The following WSB2 variants were observed in gnomAD, a reference collection of about 807,000 sequenced individuals.
WSB2 encodes WD repeat and SOCS box-containing protein 2.
Under a neutral mutation model 48.8 loss-of-function variants are expected in WSB2, and 12 were observed. The ratio of observed to expected loss-of-function variants is 0.25; its 90% CI spans 0.16 to 0.40. The LOEUF (loss-of-function observed/expected upper bound fraction) is 0.40, where lower values mean the gene tolerates loss of function less well. WSB2 is among the 10% of genes least tolerant of loss of function. The probability of loss-of-function intolerance (pLI) is 1.00; values close to 1 mark genes in which losing one functional copy is unlikely to be tolerated. For synonymous variants in WSB2, 191 were observed against 203.1 expected (o/e 0.94, Z 0.51); for missense variants, 317 against 506.2 (o/e 0.63, Z 3.59).
chr12:118,060,948 AGCCCGCCCCGGGGTCGCCT>A lies in WSB2; in HGVS notation c.13+69_13+87del. On this transcript the variant is annotated intron_variant, in intron 1 of 8. Transcript: ENST00000315436. This position sits in a 1 kb window ranked among gnomAD's most constrained non-coding sequence, Gnocchi z 4.1. Reference sequence around the variant, plus strand: ...GTCCAGCCCCCGCCCCACCCCGCCCAGCCCGCCCCGGGGTCGCCTCCCCCCTCCCCGGGGAGAACGGGCC... The same window carrying A: ...GTCCAGCCCCCGCCCCACCCCGCCCACCCCCCTCCCCGGGGAGAACGGGCC... 6.4e-6 allele frequency: 1 copy of A among 157,050 alleles called. No homozygotes were observed. Among genetic ancestry groups the A allele is most frequent in the Non-Finnish European group, 1.2e-5 (1 of 84,774 alleles). The allele number at this position is 157,050 out of a possible 1,614,324, so 9.7% of individuals were successfully genotyped here. A position where few individuals can be genotyped will look rare whatever the true frequency, so the allele number is the denominator to read the frequency against.
chr12:118,061,782 C>T (rs1436282810), upstream of WSB2, among the ~76,000 whole-genome samples: 1 of 67,232 alleles, frequency 1.5e-5, no homozygotes, highest in Non-Finnish European at 2.8e-5. Context: ...AAAATGGGGG[C>T]GGGAGAAATA....
chr12:118,044,714 C>G (rs1463166531), intron 2 of WSB2, among the ~76,000 whole-genome samples: 1 of 152,118 alleles, frequency 6.6e-6, no homozygotes, highest in East Asian at 1.9e-4. Flanking sequence ...ACCACTGCGC[C>G]CAGGAAACAA....
rs185710912 is a variant in WSB2 at position 118,052,281 on chromosome 12, G to A, written c.182+29C>T. 1.5e-4 allele frequency: 246 copies of A among 1,605,950 alleles called. 1 individual carries two copies. The highest frequency in any genetic ancestry group is 1.9e-4 in the Non-Finnish European group (223 of 1,173,628). On this transcript the variant is annotated intron_variant, in intron 2 of 8. Coordinates refer to ENST00000315436, the MANE Select transcript of WSB2 (RefSeq NM_018639.5). ...AACAAGGAGTGTTTGGAAATGCGCC[G>A]GATGGGGCCCCAGTACGAGAATACT...
intron 5 of WSB2, among the ~76,000 whole-genome samples, chr12:118,036,719 C>T (rs1336014434): frequency 1.3e-5 from 2 of 152,270 alleles, no homozygotes; most frequent in East Asian, 3.9e-4. Flanking sequence ...AATGGGCATG[C>T]TCAAGGAGCT....
chr12:118,037,951 G>C (rs77563909), intron 5 of WSB2: 7,015 of 197,564 alleles, frequency 0.036, 503 homozygotes, highest in African/African-American at 0.15. Context: ...ATTCAAATTT[G>C]ATGGTTCAAA....
Position 118,042,916 on chromosome 12 carries a change from T to C in WSB2, c.484A>G (p.Thr162Ala), listed in dbSNP as rs115911603. The C allele has an allele frequency of 3.2e-3, 5,204 of 1,614,104 alleles. 149 individuals are homozygous for C. The African/African-American group carries it at 0.06, about 19-fold the overall frequency. The stretch of plus-strand genomic sequence containing the variant: ...ACCAAAATCAAACTGCCACTGGGTG[T>C]GAAGCTCAGATCTCTCACGACATCT... ...HQDVVRDLSFTPSGSLILVSA... is the reference protein window; with the variant it reads ...HQDVVRDLSFAPSGSLILVSA... Residue 162 changes from threonine (T) to alanine (A), a missense_variant, in exon 4 of 9, where the codon ACA becomes GCA. Physicochemically the swap from Thr to Ala is moderately conservative, Grantham distance 58. Around this residue, in one of 2 missense-constraint regions of WSB2, gnomAD observed 189 missense variants for 349.6 expected, o/e 0.54. Transcript: ENST00000315436.
At position 118,033,517 on chromosome 12, in the gene WSB2, T is replaced by C. The variant is rs889836727; in HGVS notation, c.*679A>G. On this transcript the variant is annotated 3_prime_UTR_variant, in exon 9 of 9. Transcript: ENST00000315436. ...TCCTTGTATAATCTGACATACAAAT[T>C]TGTCATTTCCTGCACATGCACACCA... is the stretch of plus-strand genomic sequence containing the variant. The C allele has an allele frequency of 1.3e-5, 2 of 152,020 alleles. No homozygotes were observed. The highest frequency in any genetic ancestry group is 2.4e-5 in the African/African-American group (1 of 41,162). The allele number at this position is 152,020 out of a possible 1,614,324, so 9.4% of individuals were successfully genotyped here.
At chr12:118,038,218 C>G in intron 5 of WSB2, 70 bp downstream of exon 5, 1 of 1,450,386 alleles carries the variant, frequency 6.9e-7, no homozygotes. Context: ...TGAGAACACT[C>G]ACACACACCA....
rs35299550 is a variant in WSB2 at position 118,033,547 on chromosome 12, T to TAAAAAAAAAAAA, written c.*637_*648dup. 1 of 130,852 alleles carries TAAAAAAAAAAAA rather than the reference T, an allele frequency of 7.6e-6. No homozygotes were observed. 8.1% of individuals were successfully genotyped at this position (130,852 alleles called of 1,614,324 possible). A position where few individuals can be genotyped will look rare whatever the true frequency, so the allele number is the denominator to read the frequency against. The stretch of plus-strand genomic sequence containing the variant: ...ATTTCCTGCACATGCACACCATTGT[T>TAAAAAAAAAAAA]AAAAAAAAAAAAAAAAAGCCAGTAA... On this transcript the variant is annotated 3_prime_UTR_variant, in exon 9 of 9. Coordinates refer to ENST00000315436, the MANE Select transcript of WSB2 (RefSeq NM_018639.5).
intron 1 of WSB2, among the ~76,000 whole-genome samples, chr12:118,057,125 G>A (rs539790170): frequency 2.9e-4 from 44 of 152,172 alleles, no homozygotes; most frequent in African/African-American, 9.6e-4. Flanking sequence ...ACTAAACTTG[G>A]CTACACGGAG....
At chr12:118,042,725 C>T in intron 4 of WSB2, 116 bp downstream of exon 4, 3 of 1,500,318 alleles carry the variant, frequency 2.0e-6, no homozygotes. Context: ...CCTTAAGGGG[C>T]AATCACAGAA....
intron 1 of WSB2, 41 bp from the exon 2 acceptor site, chr12:118,052,519 G>T (rs745920751): frequency 2.1e-5 from 34 of 1,610,164 alleles, no homozygotes; most frequent in East Asian, 4.5e-5. Context: ...ACACCCCCTT[G>T]CTCCCTGACC....
upstream of WSB2, chr12:118,062,065 G>A: frequency 6.5e-7 from 1 of 1,531,700 alleles, no homozygotes; most frequent in Non-Finnish European, 8.7e-7. Flanking sequence ...AACGGGGCAG[G>A]AGCGATTCGG....
At chr12:118,037,089 G>T (rs2031528520) in intron 5 of WSB2, among the ~76,000 whole-genome samples, 1 of 152,194 alleles carries the variant, frequency 6.6e-6, no homozygotes, top group African/African-American at 2.4e-5. Context: ...GGTTGAGGCA[G>T]AAGAATCACT....
At chr12:118,051,033 C>G (rs1387486090) in intron 2 of WSB2, among the ~76,000 whole-genome samples, 1 of 150,798 alleles carries the variant, frequency 6.6e-6, no homozygotes, top group Non-Finnish European at 1.5e-5. Flanking sequence ...GCCTGAACAA[C>G]AGAGTGAGAC....
At chr12:118,037,667 TAAAA>T (rs752087366) in intron 5 of WSB2, among the ~76,000 whole-genome samples, 1 of 123,566 alleles carries the variant, frequency 8.1e-6, no homozygotes. Context: ...AAACTCTGTC[TAAAA>T]AAAAAAAAAA....
rs776923515 is a variant in WSB2 at position 118,060,014 on chromosome 12, G to A, written c.13+1022C>T. Among the ~76,000 whole-genome samples, 60 of 152,324 alleles carry A rather than the reference G, an allele frequency of 3.9e-4. No individual in the cohort carries two copies. Among genetic ancestry groups the A allele is most frequent in the Middle Eastern group, 3.4e-3 (1 of 294 alleles). On this transcript the variant is annotated intron_variant, in intron 1 of 8. Coordinates refer to ENST00000315436, the MANE Select transcript of WSB2 (RefSeq NM_018639.5). This position sits in a 1 kb window ranked among gnomAD's most constrained non-coding sequence, Gnocchi z 4.1. The stretch of plus-strand genomic sequence containing the variant: ...AACTTGGCTGCAAGATTACCATGAA[G>A]TTCTGGAACAAATTCTGAGCCCTAG...
In WSB2 at chr12:118,060,971, C is replaced by T; in HGVS notation, c.13+65G>A. ...CCAGCCCGCCCCGGGGTCGCCTCCC[C>T]CCTCCCCGGGGAGAACGGGCCAGGG... On this transcript the variant is annotated intron_variant, in intron 1 of 8. Coordinates refer to ENST00000315436, the MANE Select transcript of WSB2 (RefSeq NM_018639.5). This position sits in a 1 kb window ranked among gnomAD's most constrained non-coding sequence, Gnocchi z 4.1. The T allele has an allele frequency of 1.2e-6, 1 of 841,786 alleles. No individual in the cohort carries two copies. The highest frequency in any genetic ancestry group is 5.2e-5 in the South Asian group (1 of 19,252). The allele number at this position is 841,786 out of a possible 1,614,324, so 52.1% of individuals were successfully genotyped here.
intron 4 of WSB2, among the ~76,000 whole-genome samples, chr12:118,039,592 C>CA (rs2031585057): frequency 6.6e-6 from 1 of 151,778 alleles, no homozygotes. Flanking sequence ...AGGATGGCAA[C>CA]AGCAGGGAGG....
Sources: gnomAD v4.1 joint callset for allele counts (sites outside exome capture counted in the v4.1 genomes callset) on GRCh38, gnomAD v4.1.1 for gene constraint, gnomAD v4.1.1 regional missense constraint, Gnocchi (gnomAD v3.1) non-coding constraint, MANE v1.5 for transcripts, NCBI Gene and HGNC (gene_info 2026-07-23, HGNC 2026-07-21) for gene names.